Variants in UXS1 observed in about 807,000 individuals in gnomAD.
UXS1 encodes the protein UDP-glucuronic acid decarboxylase 1.
UXS1 carries 33 observed loss-of-function variants against 62.6 expected under a neutral mutation model. The observed-to-expected ratio is 0.53, with a 90% CI of 0.40 to 0.70. The LOEUF is 0.70. UXS1 is among the 30% of genes least tolerant of loss of function. The probability of loss-of-function intolerance (pLI) is 0.00; values close to 1 mark genes in which losing one functional copy is unlikely to be tolerated. For synonymous variants in UXS1, 213 were observed against 206.8 expected, an observed-to-expected ratio of 1.03 and a Z score of -0.26; for missense variants, 434 against 556.3, an observed-to-expected ratio of 0.78 and a Z score of 2.21.
In UXS1 at chr2:106,151,623, G is replaced by A. The variant is rs114143716; in HGVS notation, c.292-6253C>T. On this transcript the variant is annotated intron_variant, in intron 5 of 14. Transcript: ENST00000283148. The stretch of plus-strand genomic sequence containing the variant: ...CCAGTCTGTGGTAATCTGTTACAGC[G>A]GCACAAAACAAACTAAGAAAAGTAG... Among the ~76,000 whole-genome samples the A allele has an allele frequency of 9.0e-3, 1,374 of 152,082 alleles. 8 individuals carry two copies. Among genetic ancestry groups the A allele is most frequent in the Non-Finnish European group, 0.014 (972 of 68,016 alleles).
At chr2:106,139,795 A>G (rs1680953363) in intron 6 of UXS1, among the ~76,000 whole-genome samples, 1 of 152,226 alleles carries the variant, frequency 6.6e-6, no homozygotes, top group South Asian at 2.1e-4. Flanking sequence ...CCATGAAACT[A>G]AAGACTATAG....
intron 9 of UXS1, among the ~76,000 whole-genome samples, chr2:106,118,450 T>C (rs902754731): frequency 6.6e-6 from 1 of 152,100 alleles, no homozygotes; most frequent in Non-Finnish European, 1.5e-5. Context: ...GTCAGACTCA[T>C]GAGGGGGCGA....
intron 10 of UXS1, among the ~76,000 whole-genome samples, chr2:106,107,180 T>A (rs1036669716): frequency 6.6e-5 from 10 of 152,184 alleles, no homozygotes; most frequent in Admixed American, 6.5e-4. Flanking sequence ...AGCGCACAGA[T>A]GCACCTCTGC....
intron 8 of UXS1, among the ~76,000 whole-genome samples, chr2:106,124,835 G>T (rs539660199): frequency 3.3e-5 from 5 of 152,200 alleles, no homozygotes; most frequent in Non-Finnish European, 5.9e-5. Flanking sequence ...TTTCTCTGTT[G>T]CTATGATTTT....
At chr2:106,108,965 G>T (rs887117576) in intron 10 of UXS1, among the ~76,000 whole-genome samples, 2 of 144,900 alleles carry the variant, frequency 1.4e-5, no homozygotes, top group Non-Finnish European at 3.1e-5. Context: ...GATCACCCTC[G>T]ACATCTGACA....
At chr2:106,095,843 C>T (rs920526400) in intron 14 of UXS1, among the ~76,000 whole-genome samples, 1 of 152,162 alleles carries the variant, frequency 6.6e-6, no homozygotes, top group East Asian at 1.9e-4. Context: ...TGAGGACGAG[C>T]GTTCTCTGGC....
At chr2:106,112,619 G>T in intron 10 of UXS1, 27 bp downstream of exon 10, 1 of 1,612,006 alleles carries the variant, frequency 6.2e-7, no homozygotes. Flanking sequence ...GTTGCAAGGT[G>T]CTCCCTGAGC....
At chr2:106,124,099 C>T (rs1679739157) in intron 8 of UXS1, among the ~76,000 whole-genome samples, 1 of 152,190 alleles carries the variant, frequency 6.6e-6, no homozygotes, top group Non-Finnish European at 1.5e-5. Context: ...TTTCAAAGAG[C>T]AAACTTCTCA....
At chr2:106,094,183 G>C in intron 14 of UXS1, 26 bp from the exon 15 acceptor site, 1 of 1,476,148 alleles carries the variant, frequency 6.8e-7, no homozygotes, top group South Asian at 1.2e-5. Context: ...GCAAGAAAGG[G>C]AGACAAGGTC....
Position 106,115,088 on chromosome 2 carries a change from T to A in UXS1, c.760-2323A>T, listed in dbSNP as rs185150356. 4.6e-5 allele frequency among the ~76,000 whole-genome samples: 7 copies of A among 152,284 alleles called. No homozygotes were observed. In the East Asian group the frequency reaches 1.4e-3, roughly 29 times the overall value. On this transcript the variant is annotated intron_variant, in intron 9 of 14. Transcript: ENST00000283148. ...CACTGGTCCTCACGGTGGGACCATGTGGGCAGGCAGGGGGACAGTCGATGG... is the reference window on the plus strand; with the variant it reads ...CACTGGTCCTCACGGTGGGACCATGAGGGCAGGCAGGGGGACAGTCGATGG...
intron 12 of UXS1, among the ~76,000 whole-genome samples, chr2:106,099,658 T>C (rs545877216): frequency 5.9e-5 from 9 of 152,272 alleles, no homozygotes; most frequent in African/African-American, 1.9e-4. Context: ...GAACATGGTA[T>C]CTACAGAGAA....
chr2:106,156,186 AATG>A (rs1172781964), intron 5 of UXS1, among the ~76,000 whole-genome samples: 2 of 152,232 alleles, frequency 1.3e-5, no homozygotes, highest in African/African-American at 2.4e-5. Context: ...AACTTAATTC[AATG>A]ATGAAAAGAA....
At chr2:106,130,425 C>T (rs1331799698) in intron 6 of UXS1, among the ~76,000 whole-genome samples, 1 of 152,178 alleles carries the variant, frequency 6.6e-6, no homozygotes, top group African/African-American at 2.4e-5. Context: ...CGGGGACCAA[C>T]CTCTCCCTGT....
intron 5 of UXS1, among the ~76,000 whole-genome samples, chr2:106,154,444 G>A (rs1055869176): frequency 3.3e-5 from 5 of 152,162 alleles, no homozygotes; most frequent in African/African-American, 1.2e-4. Context: ...ATTAGGGTGG[G>A]ACTTTAATCC....
At chr2:106,188,250 G>A (rs920347343) in intron 1 of UXS1, among the ~76,000 whole-genome samples, 2 of 152,110 alleles carry the variant, frequency 1.3e-5, no homozygotes, top group East Asian at 1.9e-4. Context: ...CAGGGAGAAG[G>A]GGAAGGGAGA....
At chr2:106,143,437 A>AAAAAAAAAAAAG (rs1558719544) in intron 6 of UXS1, among the ~76,000 whole-genome samples, 4 of 122,830 alleles carry the variant, frequency 3.3e-5, no homozygotes, top group Admixed American at 8.5e-5. Context: ...AAAAAAAAAA[A>AAAAAAAAAAAAG]AGGTATAATT....
At position 106,194,119 on chromosome 2, in the gene UXS1, T is replaced by C. The variant is rs1454187322; in HGVS notation, c.94+29A>G. Reference sequence around the variant, plus strand: ...CGCGGCGCCGGGGAATGAATGGGGCTCCCCAGCTGGCAGCGGGCGCGCACT... The same window carrying C: ...CGCGGCGCCGGGGAATGAATGGGGCCCCCCAGCTGGCAGCGGGCGCGCACT... On this transcript the variant is annotated intron_variant, in intron 1 of 14. Transcript: ENST00000283148. 2.1e-6 allele frequency: 3 copies of C among 1,451,068 alleles called. No individual in the cohort carries two copies. The South Asian group carries it at 3.9e-5, about 19-fold the overall frequency. 89.9% of individuals were successfully genotyped at this position (1,451,068 alleles called of 1,614,324 possible).
intron 1 of UXS1, among the ~76,000 whole-genome samples, chr2:106,176,952 C>T (rs961378492): frequency 6.6e-6 from 1 of 152,216 alleles, no homozygotes; most frequent in Non-Finnish European, 1.5e-5. Flanking sequence ...TTGTGATGCA[C>T]ACCTTCCCAT....
intron 1 of UXS1, among the ~76,000 whole-genome samples, chr2:106,189,459 C>T (rs1684783008): frequency 1.3e-5 from 2 of 152,268 alleles, no homozygotes; most frequent in East Asian, 1.9e-4. Flanking sequence ...GAGTTCAGAA[C>T]CTAACTAGAG....
Sources: gnomAD v4.1 joint callset for allele counts (sites outside exome capture counted in the v4.1 genomes callset) on GRCh38, gnomAD v4.1.1 for gene constraint, MANE v1.5 for transcripts, NCBI Gene and HGNC (gene_info 2026-07-23, HGNC 2026-07-21) for gene names.